Variants in POLA1 observed in about 807,000 individuals in gnomAD.
POLA1 encodes the protein DNA polymerase alpha 1, catalytic subunit.
In POLA1, 15 loss-of-function variants were observed where a neutral mutation model predicts 124.0. That is an observed-to-expected ratio of 0.12 (90% CI 0.08 to 0.19). POLA1 has a LOEUF of 0.19. Ranked by LOEUF, POLA1 falls within the 10% of genes least tolerant of loss-of-function variation. The pLI, the probability that POLA1 is intolerant of heterozygous loss-of-function variation, is 1.00. For missense variants in POLA1, 886 were observed against 1,103.4 expected (o/e 0.80, Z 2.79); for synonymous variants, 408 against 389.4 (o/e 1.05, Z -0.56).
chrX:24,765,654 A>G (rs1039799069), intron 26 of POLA1, among the ~76,000 whole-genome samples: 6 of 111,629 alleles, frequency 5.4e-5, no homozygotes, highest in African/African-American at 2.0e-4. Flanking sequence ...AGATCCATCC[A>G]GCACACCGCC....
chrX:24,797,998 A>G (rs1319063808), intron 26 of POLA1, among the ~76,000 whole-genome samples: 1 of 110,736 alleles, frequency 9.0e-6, no homozygotes, highest in Non-Finnish European at 1.9e-5. Flanking sequence ...CAGTGACCCA[A>G]GATTGCCCCA....
At chrX:24,993,673 C>T (rs1465077391) in intron 36 of POLA1, among the ~76,000 whole-genome samples, 4 of 111,850 alleles carry the variant, frequency 3.6e-5, no homozygotes, top group African/African-American at 1.3e-4. Flanking sequence ...CTTCCCCCCA[C>T]CAGCCCCTGT....
chrX:24,849,715 C>T (rs1173850029), intron 34 of POLA1, among the ~76,000 whole-genome samples: 1 of 106,656 alleles, frequency 9.4e-6, no homozygotes, highest in Non-Finnish European at 1.9e-5. Context: ...ACTGCAAGCT[C>T]TGCCTCCTGG....
intron 4 of POLA1, among the ~76,000 whole-genome samples, chrX:24,711,398 ATTAT>A (rs1302716703): frequency 1.2e-4 from 13 of 112,510 alleles, no homozygotes; most frequent in Non-Finnish European, 2.3e-4. Flanking sequence ...CTTGTTTTTA[ATTAT>A]TTATTTCTAT....
intron 26 of POLA1, among the ~76,000 whole-genome samples, chrX:24,760,320 C>T (rs1932774353): frequency 9.0e-6 from 1 of 111,698 alleles, no homozygotes; most frequent in Non-Finnish European, 1.9e-5. Flanking sequence ...TCCCTTTCCT[C>T]ATCTGCCCAG....
intron 34 of POLA1, among the ~76,000 whole-genome samples, chrX:24,861,087 A>G (rs12860432): frequency 3.6e-5 from 4 of 112,553 alleles, no homozygotes; most frequent in Non-Finnish European, 7.5e-5. Context: ...TTACAATGCC[A>G]TAGACTCAGC....
chrX:24,928,179 AT>A (rs1402053622), intron 35 of POLA1, among the ~76,000 whole-genome samples: 1 of 111,388 alleles, frequency 9.0e-6, no homozygotes, highest in East Asian at 2.8e-4. Flanking sequence ...CTCCTTTTTA[AT>A]TTTTTCCCCT....
chrX:24,764,601 A>G (rs1254210254), intron 26 of POLA1, among the ~76,000 whole-genome samples: 2 of 112,251 alleles, frequency 1.8e-5, no homozygotes, highest in African/African-American at 6.5e-5. Flanking sequence ...TACTAAATAG[A>G]TTCAGGGGCC....
At chrX:24,946,622 A>G (rs1206678579) in intron 36 of POLA1, among the ~76,000 whole-genome samples, 1 of 111,131 alleles carries the variant, frequency 9.0e-6, no homozygotes, top group African/African-American at 3.3e-5. Context: ...CTCTGTTCAT[A>G]TTCTATTCAT....
chrX:24,927,043 G>T (rs1169289682), intron 35 of POLA1, among the ~76,000 whole-genome samples: 1 of 108,450 alleles, frequency 9.2e-6, no homozygotes, highest in Non-Finnish European at 1.9e-5. Flanking sequence ...TCACCATATT[G>T]GCCAGGCTGG....
chrX:24,883,035 A>G (rs1369921488), intron 34 of POLA1, among the ~76,000 whole-genome samples: 1 of 111,434 alleles, frequency 9.0e-6, no homozygotes. Context: ...CTTTTTAATA[A>G]TAGCCATTCT....
intron 35 of POLA1, among the ~76,000 whole-genome samples, chrX:24,914,263 G>A: frequency 9.1e-6 from 1 of 110,259 alleles, no homozygotes; most frequent in Non-Finnish European, 1.9e-5. Flanking sequence ...TTTTTTAATA[G>A]AATTTCTGTG....
intron 35 of POLA1, among the ~76,000 whole-genome samples, chrX:24,913,879 T>G (rs928964802): frequency 9.3e-6 from 1 of 108,074 alleles, no homozygotes; most frequent in African/African-American, 3.4e-5. Flanking sequence ...AATACAGAAA[T>G]TAGCCAGGCG....
intron 34 of POLA1, among the ~76,000 whole-genome samples, chrX:24,867,212 CT>C (rs1402454823): frequency 9.0e-6 from 1 of 110,710 alleles, no homozygotes; most frequent in South Asian, 3.8e-4. Context: ...AATAAATTGA[CT>C]TTTTTTTATC....
At chrX:24,882,632 T>C (rs1033403308) in intron 34 of POLA1, among the ~76,000 whole-genome samples, 33 of 110,457 alleles carry the variant, frequency 3.0e-4, no homozygotes, top group African/African-American at 1.1e-3. Context: ...TCCGTGTTGC[T>C]GCAAAGAACA....
At chrX:24,778,647 G>GT (rs1175698439) in intron 26 of POLA1, among the ~76,000 whole-genome samples, 1 of 111,868 alleles carries the variant, frequency 8.9e-6, no homozygotes, top group African/African-American at 3.2e-5. Context: ...GCTAATATGA[G>GT]TTTTTTTCCC....
chrX:24,821,494 C>A lies in POLA1; in HGVS notation c.3472C>A (p.Leu1158Ile). ...CCAGGATTACCCTGATAAAAAAAGC[C>A]TACCTCATGTACATGTTGCCCTCTG... ...DPQDYPDKKS[L>I]PHVHVALWIN... The change falls in exon 31 of 37, where the codon CTA becomes ATA. Residue 1158 changes from leucine (L) to isoleucine (I), a missense_variant. By Grantham distance (5) the Leu-to-Ile change is conservative. Transcript: ENST00000379068. 1 of 1,202,650 alleles carries A rather than the reference C, an allele frequency of 8.3e-7. No individual in the cohort carries two copies. The highest frequency in any genetic ancestry group is 1.1e-6 in the Non-Finnish European group (1 of 887,872).
intron 35 of POLA1, among the ~76,000 whole-genome samples, chrX:24,888,994 C>T (rs1206380783): frequency 3.6e-5 from 4 of 110,500 alleles, no homozygotes; most frequent in African/African-American, 6.6e-5. Flanking sequence ...CTCAGCCTCC[C>T]GAGTAGCTGG....
chrX:24,917,028 G>A (rs1238806423), intron 35 of POLA1, among the ~76,000 whole-genome samples: 2 of 112,268 alleles, frequency 1.8e-5, no homozygotes, highest in Non-Finnish European at 3.8e-5. Flanking sequence ...GGCAGGCTGG[G>A]CATGGTGGCT....
Sources: allele counts gnomAD v4.1 joint callset (sites outside exome capture counted in the v4.1 genomes callset), GRCh38; gene constraint gnomAD v4.1.1; transcripts MANE v1.5; gene names NCBI Gene and HGNC (gene_info 2026-07-23, HGNC 2026-07-21).